The following COL4A2 variants were observed in gnomAD, a reference collection of about 807,000 sequenced individuals.
COL4A2 encodes collagen type IV alpha 2 chain.
In COL4A2, 99 loss-of-function variants were observed where a neutral mutation model predicts 200.2. That is an observed-to-expected ratio of 0.49 (90% CI 0.42 to 0.58). The LOEUF (loss-of-function observed/expected upper bound fraction) is 0.58, where lower values mean the gene tolerates loss of function less well. COL4A2 is among the 20% of genes least tolerant of loss of function. COL4A2 has a pLI of 0.00. For synonymous variants in COL4A2, 897 were observed against 900.6 expected (o/e 1.00, Z 0.07); for missense variants, 1,950 against 2,314.1 (o/e 0.84, Z 3.23).
chr13:110,381,249 G>A (rs962801028), intron 4 of COL4A2, among the ~76,000 whole-genome samples: 2 of 149,722 alleles, frequency 1.3e-5, no homozygotes, highest in African/African-American at 2.5e-5. Flanking sequence ...ACACCCATGG[G>A]CTCTATCTCA....
intron 27 of COL4A2, 63 bp from the exon 28 acceptor site, chr13:110,469,154 C>T: frequency 4.6e-6 from 7 of 1,534,926 alleles, no homozygotes; most frequent in Non-Finnish European, 6.2e-6. Context: ...AGATGCCAAG[C>T]ATGACCATGC....
chr13:110,392,580 T>G (rs1044074178), intron 4 of COL4A2, among the ~76,000 whole-genome samples: 1 of 152,126 alleles, frequency 6.6e-6, no homozygotes, highest in Non-Finnish European at 1.5e-5. Context: ...AAATGTATTG[T>G]GCAGCAGCAG....
intron 39 of COL4A2, among the ~76,000 whole-genome samples, chr13:110,494,894 T>C (rs1594108249): frequency 6.6e-6 from 1 of 152,252 alleles, no homozygotes; most frequent in Non-Finnish European, 1.5e-5. Flanking sequence ...ACAGTTCCAG[T>C]GGGCGAGTGG....
chr13:110,320,448 G>T (rs1202838188), intron 3 of COL4A2, among the ~76,000 whole-genome samples: 1 of 152,208 alleles, frequency 6.6e-6, no homozygotes, highest in Non-Finnish European at 1.5e-5. Flanking sequence ...TTTCACTCAG[G>T]AGGGGGAAGG....
At chr13:110,347,025 G>A (rs897323896) in intron 3 of COL4A2, among the ~76,000 whole-genome samples, 3 of 152,336 alleles carry the variant, frequency 2.0e-5, no homozygotes, top group Admixed American at 6.5e-5. Flanking sequence ...TGCCTTCCTC[G>A]CTGGTGAGAG....
At chr13:110,475,195 T>C (rs897425605) in intron 29 of COL4A2, among the ~76,000 whole-genome samples, 37 of 152,230 alleles carry the variant, frequency 2.4e-4, no homozygotes, top group Non-Finnish European at 3.8e-4. Flanking sequence ...CATCCAGATC[T>C]CCCCTTTCCA....
chr13:110,439,490 G>A (rs1028791506), intron 15 of COL4A2, among the ~76,000 whole-genome samples: 4 of 152,190 alleles, frequency 2.6e-5, no homozygotes, highest in South Asian at 2.1e-4. Flanking sequence ...TGGCTCTGAC[G>A]TCTTCCACAG....
intron 14 of COL4A2, 115 bp downstream of exon 14, chr13:110,438,152 C>A: frequency 1.3e-6 from 1 of 777,966 alleles, no homozygotes; most frequent in Non-Finnish European, 2.2e-6. Flanking sequence ...AGTCTCTCAT[C>A]CCCTTGTCCA....
chr13:110,341,437 T>C (rs1369305327), intron 3 of COL4A2, among the ~76,000 whole-genome samples: 1 of 152,246 alleles, frequency 6.6e-6, no homozygotes, highest in Non-Finnish European at 1.5e-5. Context: ...GGATTTACTG[T>C]TCAGGGCTGT....
Position 110,482,558 on chromosome 13 carries a change from C to G in COL4A2, c.2801C>G (p.Pro934Arg). ...GGGATGGATGGTTTCCAAGGCATGCCTGGACTCAAAGGGAGACCCGGGTTT... is the reference window on the plus strand; with the variant it reads ...GGGATGGATGGTTTCCAAGGCATGCGTGGACTCAAAGGGAGACCCGGGTTT... ...SPGMDGFQGM[P>R]GLKGRPGFPG... Residue 934 changes from proline to arginine, a missense_variant, in exon 32 of 48, where the codon CCT becomes CGT. Coordinates refer to ENST00000360467, the MANE Select transcript of COL4A2 (RefSeq NM_001846.4). The G allele has an allele frequency of 6.2e-7, 1 of 1,614,170 alleles. No homozygotes were observed.
Position 110,454,661 on chromosome 13 carries a change from C to T in COL4A2, c.1340-2682C>T, listed in dbSNP as rs548033958. Among the ~76,000 whole-genome samples, 10 of 152,220 alleles carry T rather than the reference C, an allele frequency of 6.6e-5. No individual in the cohort carries two copies. The South Asian group carries it at 2.1e-3, about 32-fold the overall frequency. On this transcript the variant is annotated intron_variant, in intron 20 of 47. Transcript: ENST00000360467. ...CTTCTCCCCTCCACTCCCGGGAAATCCCACTGGCCCCCGACATCTCTCCCC... is the reference window on the plus strand; with the variant it reads ...CTTCTCCCCTCCACTCCCGGGAAATTCCACTGGCCCCCGACATCTCTCCCC...
intron 4 of COL4A2, among the ~76,000 whole-genome samples, chr13:110,411,548 A>G (rs539725412): frequency 1.2e-4 from 18 of 152,176 alleles, no homozygotes; most frequent in Non-Finnish European, 2.5e-4. Context: ...AGGGGGATTA[A>G]TGAGCCGTGA....
At position 110,313,315 on chromosome 13, in the gene COL4A2, C is replaced by T. The variant is rs138720080; in HGVS notation, c.99+5192C>T. On this transcript the variant is annotated intron_variant, in intron 3 of 47. Transcript: ENST00000360467. ...TGATTTCATTGGTGGCTCCGGAGGA[C>T]GGTAATTTTTATTTTGGTTACCCCT... 2.3e-3 allele frequency among the ~76,000 whole-genome samples: 355 copies of T among 152,204 alleles called. 1 individual carries two copies. Among genetic ancestry groups the T allele is most frequent in the African/African-American group, 8.3e-3 (345 of 41,520 alleles).
chr13:110,495,537 G>C, intron 40 of COL4A2, 70 bp downstream of exon 40: 1 of 1,561,784 alleles, frequency 6.4e-7, no homozygotes. Flanking sequence ...TGGGGCCATG[G>C]AGTGTCTATG....
At chr13:110,323,119 A>G (rs1330764711) in intron 3 of COL4A2, among the ~76,000 whole-genome samples, 1 of 152,232 alleles carries the variant, frequency 6.6e-6, no homozygotes, top group Non-Finnish European at 1.5e-5. Flanking sequence ...CACTGATTCT[A>G]TGAAAACTTG....
chr13:110,410,360 G>A (rs1298930372), intron 4 of COL4A2, among the ~76,000 whole-genome samples: 1 of 152,190 alleles, frequency 6.6e-6, no homozygotes. Flanking sequence ...GATACCTTAA[G>A]TTGCTGCTAA....
At chr13:110,391,017 C>A (rs1195999146) in intron 4 of COL4A2, among the ~76,000 whole-genome samples, 1 of 152,226 alleles carries the variant, frequency 6.6e-6, no homozygotes, top group Non-Finnish European at 1.5e-5. Flanking sequence ...ACGAATTCAT[C>A]AACTTAAGGA....
chr13:110,428,372 A>G, intron 6 of COL4A2, 95 bp from the exon 7 acceptor site: 1 of 730,814 alleles, frequency 1.4e-6, no homozygotes, highest in Non-Finnish European at 2.3e-6. Context: ...TGCCGGGAAC[A>G]TGGCTTATGA....
intron 21 of COL4A2, chr13:110,458,121 T>G (rs773350582): frequency 1.5e-5 from 7 of 470,562 alleles, no homozygotes; most frequent in Non-Finnish European, 3.1e-5. Flanking sequence ...GTATGTAGGA[T>G]GTGCAGTGCA....
Sources: gnomAD v4.1 joint callset for allele counts (sites outside exome capture counted in the v4.1 genomes callset) on GRCh38, gnomAD v4.1.1 for gene constraint, MANE v1.5 for transcripts, NCBI Gene and HGNC (gene_info 2026-07-23, HGNC 2026-07-21) for gene names.